The following BMP6 variants were observed in gnomAD, a reference collection of about 807,000 sequenced individuals.
BMP6 encodes bone morphogenetic protein 6.
A neutral mutation model predicts 54.1 loss-of-function variants in BMP6; 17 were observed. That is an observed-to-expected ratio of 0.31 (90% confidence interval 0.22 to 0.47). BMP6 has a LOEUF of 0.47. Ranked by LOEUF, BMP6 falls within the 20% of genes least tolerant of loss-of-function variation. The probability of loss-of-function intolerance (pLI) is 1.00; values close to 1 mark genes in which losing one functional copy is unlikely to be tolerated. For synonymous variants in BMP6, 328 were observed against 291.2 expected, an observed-to-expected ratio of 1.13 and a Z score of -1.28; for missense variants, 720 against 690.4, an observed-to-expected ratio of 1.04 and a Z score of -0.48.
intron 1 of BMP6, among the ~76,000 whole-genome samples, chr6:7,812,686 CAAG>C (rs1325597106): frequency 6.6e-6 from 1 of 151,766 alleles, no homozygotes; most frequent in Admixed American, 6.6e-5. Context: ...CCATATAAAT[CAAG>C]AAGAAAAATA....
chr6:7,833,766 C>T (rs561581950), intron 1 of BMP6, among the ~76,000 whole-genome samples: 1 of 152,300 alleles, frequency 6.6e-6, no homozygotes, highest in Non-Finnish European at 1.5e-5. Flanking sequence ...ACTCTTCAGA[C>T]ATTAGGCAGA....
At chr6:7,868,299 A>G (rs1459980191) in intron 4 of BMP6, among the ~76,000 whole-genome samples, 1 of 152,184 alleles carries the variant, frequency 6.6e-6, no homozygotes, top group Non-Finnish European at 1.5e-5. Context: ...CTAGACTCTG[A>G]TCAAACTGTC....
At chr6:7,768,143 T>A (rs1422825065) in intron 1 of BMP6, among the ~76,000 whole-genome samples, 1 of 152,184 alleles carries the variant, frequency 6.6e-6, no homozygotes, top group East Asian at 1.9e-4. Flanking sequence ...TAGTTTTTCC[T>A]GAGGGCAGGC....
chr6:7,728,299 C>T (rs1761785443), intron 1 of BMP6, among the ~76,000 whole-genome samples: 1 of 152,234 alleles, frequency 6.6e-6, no homozygotes, highest in African/African-American at 2.4e-5. Flanking sequence ...GCTCACATGC[C>T]CTTGGCCATT....
chr6:7,872,210 C>T (rs1057143669), intron 4 of BMP6, among the ~76,000 whole-genome samples: 5 of 151,870 alleles, frequency 3.3e-5, no homozygotes, highest in Non-Finnish European at 5.9e-5. Flanking sequence ...TGGCCCTCTT[C>T]AGCCCATTCA....
chr6:7,746,574 T>C (rs1212601330), intron 1 of BMP6, among the ~76,000 whole-genome samples: 1 of 152,172 alleles, frequency 6.6e-6, no homozygotes, highest in Non-Finnish European at 1.5e-5. Flanking sequence ...GGTGACAAAT[T>C]TGTGAATTGC....
At chr6:7,817,343 T>A (rs913807011) in intron 1 of BMP6, among the ~76,000 whole-genome samples, 34 of 152,098 alleles carry the variant, frequency 2.2e-4, no homozygotes, top group African/African-American at 7.7e-4. Context: ...GATTATATAT[T>A]AAGGTCAAAA....
At chr6:7,802,140 T>C (rs934801752) in intron 1 of BMP6, among the ~76,000 whole-genome samples, 2 of 152,248 alleles carry the variant, frequency 1.3e-5, no homozygotes, top group Admixed American at 6.5e-5. Flanking sequence ...ATGTGAGCCA[T>C]TTAATTTGCT....
chr6:7,858,085 G>T (rs1175716535), intron 2 of BMP6, among the ~76,000 whole-genome samples: 1 of 152,032 alleles, frequency 6.6e-6, no homozygotes, highest in East Asian at 1.9e-4. Flanking sequence ...ACTGGTGATC[G>T]ATTTATTTAT....
At chr6:7,807,051 T>C (rs1292410330) in intron 1 of BMP6, among the ~76,000 whole-genome samples, 1 of 152,238 alleles carries the variant, frequency 6.6e-6, no homozygotes, top group Non-Finnish European at 1.5e-5. Context: ...TCTAAAAGTC[T>C]GAGCATCTCT....
chr6:7,757,138 C>T (rs954144643), intron 1 of BMP6, among the ~76,000 whole-genome samples: 11 of 152,228 alleles, frequency 7.2e-5, no homozygotes, highest in African/African-American at 2.4e-4. Context: ...TAGCCCTCTC[C>T]CTGGGCTGCC....
intron 1 of BMP6, among the ~76,000 whole-genome samples, chr6:7,790,198 C>G (rs1032092909): frequency 6.6e-6 from 1 of 152,020 alleles, no homozygotes; most frequent in Admixed American, 6.5e-5. Context: ...GAACGTGGGC[C>G]GCTTATTTTG....
At chr6:7,871,866 G>T (rs1178614723) in intron 4 of BMP6, among the ~76,000 whole-genome samples, 1 of 152,204 alleles carries the variant, frequency 6.6e-6, no homozygotes, top group Non-Finnish European at 1.5e-5. Context: ...ACAGCCAGGG[G>T]CCTGATCTCA....
intron 2 of BMP6, among the ~76,000 whole-genome samples, chr6:7,857,970 C>T (rs1456295058): frequency 6.6e-6 from 1 of 152,168 alleles, no homozygotes; most frequent in Non-Finnish European, 1.5e-5. Flanking sequence ...TTGGGAGGGT[C>T]ACTGGGGCTC....
intron 1 of BMP6, among the ~76,000 whole-genome samples, chr6:7,787,958 T>C (rs953400467): frequency 5.9e-5 from 9 of 152,194 alleles, no homozygotes; most frequent in African/African-American, 2.2e-4. Context: ...TTTTTTTTTT[T>C]AAAGAAACGC....
At chr6:7,743,711 C>T (rs368009356) in intron 1 of BMP6, among the ~76,000 whole-genome samples, 7 of 152,282 alleles carry the variant, frequency 4.6e-5, no homozygotes, top group Admixed American at 2.6e-4. Context: ...CAGAGATGAC[C>T]GGGGTAGCCC....
At chr6:7,821,051 C>T (rs919122844) in intron 1 of BMP6, among the ~76,000 whole-genome samples, 3 of 152,252 alleles carry the variant, frequency 2.0e-5, no homozygotes, top group African/African-American at 7.2e-5. Flanking sequence ...GCCAGTGCCT[C>T]GGGTCTGCAG....
At chr6:7,808,234 G>A (rs1758381210) in intron 1 of BMP6, among the ~76,000 whole-genome samples, 1 of 152,242 alleles carries the variant, frequency 6.6e-6, no homozygotes, top group South Asian at 2.1e-4. Context: ...ATGTTAAAAG[G>A]AAAGAAAATA....
intron 1 of BMP6, among the ~76,000 whole-genome samples, chr6:7,836,992 A>T (rs1319371122): frequency 1.3e-5 from 2 of 152,246 alleles, no homozygotes; most frequent in African/African-American, 2.4e-5. Context: ...TTCAAAAAAA[A>T]TTTCAAGTTT....
Sources: gnomAD v4.1 joint callset for allele counts (sites outside exome capture counted in the v4.1 genomes callset) on GRCh38, gnomAD v4.1.1 for gene constraint, MANE v1.5 for transcripts, NCBI Gene and HGNC (gene_info 2026-07-23, HGNC 2026-07-21) for gene names.